PCDH9: variants seen among roughly 807,000 people sequenced by gnomAD.
PCDH9 encodes the protein protocadherin-9.
In PCDH9, 24 loss-of-function variants were observed where a neutral mutation model predicts 70.6. That is an observed-to-expected ratio of 0.34 (90% CI 0.25 to 0.48). PCDH9 has a LOEUF of 0.48. Ranked by LOEUF, PCDH9 falls within the 20% of genes least tolerant of loss-of-function variation. The probability of loss-of-function intolerance (pLI) is 0.99; values close to 1 mark genes in which losing one functional copy is unlikely to be tolerated. For synonymous variants in PCDH9, 562 were observed against 558.5 expected, an observed-to-expected ratio of 1.01 and a Z score of -0.09; for missense variants, 1,281 against 1,503.6, an observed-to-expected ratio of 0.85 and a Z score of 2.45.
At chr13:67,167,730 A>T (rs2088161310) in intron 2 of PCDH9, among the ~76,000 whole-genome samples, 1 of 152,196 alleles carries the variant, frequency 6.6e-6, no homozygotes, top group Non-Finnish European at 1.5e-5. Flanking sequence ...ACTCCATTTT[A>T]TCTAAATATT....
chr13:66,747,854 T>G (rs2079396146), intron 3 of PCDH9, among the ~76,000 whole-genome samples: 1 of 152,186 alleles, frequency 6.6e-6, no homozygotes, highest in Non-Finnish European at 1.5e-5. Context: ...AATAATTTAT[T>G]AATTGTGGTG....
At chr13:66,440,122 G>A (rs1008181848) in intron 4 of PCDH9, among the ~76,000 whole-genome samples, 2 of 152,154 alleles carry the variant, frequency 1.3e-5, no homozygotes. Flanking sequence ...AACGAAAGAT[G>A]AAAACTAATT....
At chr13:66,621,492 A>G (rs2077420816) in intron 4 of PCDH9, among the ~76,000 whole-genome samples, 1 of 152,194 alleles carries the variant, frequency 6.6e-6, no homozygotes, top group African/African-American at 2.4e-5. Context: ...GAAAAGGTAT[A>G]AGGTTCATGA....
intron 4 of PCDH9, among the ~76,000 whole-genome samples, chr13:66,623,732 C>A (rs1593795621): frequency 6.6e-6 from 1 of 152,296 alleles, no homozygotes; most frequent in East Asian, 1.9e-4. Context: ...AGCCACTGCA[C>A]CCGAGTCATA....
chr13:66,907,203 C>T lies in PCDH9; in HGVS notation c.3037-3598G>A, dbSNP rs1477526701. On this transcript the variant is annotated intron_variant, in intron 2 of 4. Transcript: ENST00000377865. ...TGGGCGACAGAACGAGATTCTGCCT[C>T]AAAAAGAAAAAAATAAAATAAAAAA... 2.0e-5 allele frequency among the ~76,000 whole-genome samples: 3 copies of T among 151,476 alleles called. No homozygotes were observed. The East Asian group carries it at 5.8e-4, about 29-fold the overall frequency.
chr13:66,507,253 G>A (rs1245553418), intron 4 of PCDH9, among the ~76,000 whole-genome samples: 1 of 152,056 alleles, frequency 6.6e-6, no homozygotes, highest in Non-Finnish European at 1.5e-5. Context: ...ATTCATTCAC[G>A]GGCTGCATTT....
intron 3 of PCDH9, among the ~76,000 whole-genome samples, chr13:66,713,779 C>T (rs2078831850): frequency 6.6e-6 from 1 of 151,606 alleles, no homozygotes; most frequent in Non-Finnish European, 1.5e-5. Context: ...ACTTTTATTC[C>T]TCTTCAGCTT....
chr13:66,767,391 C>T (rs1010438818), intron 3 of PCDH9, among the ~76,000 whole-genome samples: 2 of 152,114 alleles, frequency 1.3e-5, no homozygotes, highest in Non-Finnish European at 2.9e-5. Flanking sequence ...ATGTCGCATT[C>T]AAGAACAAAT....
intron 3 of PCDH9, among the ~76,000 whole-genome samples, chr13:66,893,505 A>G (rs1033306788): frequency 8.5e-5 from 13 of 152,198 alleles, no homozygotes; most frequent in African/African-American, 3.1e-4. Context: ...ATAAGAAGCC[A>G]TAGGAGATTT....
intron 3 of PCDH9, among the ~76,000 whole-genome samples, chr13:66,682,076 T>C (rs1390929889): frequency 5.3e-5 from 8 of 151,820 alleles, no homozygotes; most frequent in South Asian, 4.2e-4. Flanking sequence ...AAAATAGTTA[T>C]CTATTTATGA....
intron 4 of PCDH9, among the ~76,000 whole-genome samples, chr13:66,587,331 A>G (rs771708865): frequency 6.6e-6 from 1 of 151,886 alleles, no homozygotes; most frequent in Non-Finnish European, 1.5e-5. Flanking sequence ...CAAAAAGACT[A>G]TGGTATAAAT....
chr13:67,227,412 C>T lies in PCDH9; in HGVS notation c.1029G>A (p.Thr343=), dbSNP rs752405765. 8.1e-6 allele frequency: 13 copies of T among 1,613,660 alleles called. No homozygotes were observed. The highest frequency in any genetic ancestry group is 3.3e-4 in the Middle Eastern group (2 of 6,082). ...SDGSSTPARA[T]VTINVTDVND... ...TTACATCGGTGACATTGATGGTAACCGTTGCTCGAGCAGGAGTGGAGCTGC... is the reference window on the plus strand; with the variant it reads ...TTACATCGGTGACATTGATGGTAACTGTTGCTCGAGCAGGAGTGGAGCTGC... Residue 343 remains threonine (T), a synonymous_variant, in exon 2 of 5, where the codon ACG becomes ACA. Coordinates refer to ENST00000377865, the MANE Select transcript of PCDH9 (RefSeq NM_203487.3). This position sits in a 1 kb window ranked among gnomAD's most constrained non-coding sequence, Gnocchi z 4.6.
chr13:67,041,537 T>TGTACCTGTCTATGG (rs1298787851), intron 2 of PCDH9, among the ~76,000 whole-genome samples: 1 of 152,110 alleles, frequency 6.6e-6, no homozygotes, highest in African/African-American at 2.4e-5. Flanking sequence ...ACCCTAAGAC[T>TGTACCTGTCTATGG]GTACCTGTCT....
chr13:66,634,955 T>G (rs1484228816), intron 3 of PCDH9, among the ~76,000 whole-genome samples: 1 of 152,138 alleles, frequency 6.6e-6, no homozygotes, highest in African/African-American at 2.4e-5. Flanking sequence ...GAATACATGT[T>G]TTCTTCCTGG....
intron 4 of PCDH9, among the ~76,000 whole-genome samples, chr13:66,410,669 G>A (rs1957355227): frequency 6.6e-6 from 1 of 152,308 alleles, no homozygotes; most frequent in East Asian, 1.9e-4. Context: ...ATGCTATGAG[G>A]AAAGTGAGAA....
chr13:66,719,940 G>A (rs1341679250), intron 3 of PCDH9, among the ~76,000 whole-genome samples: 2 of 152,150 alleles, frequency 1.3e-5, no homozygotes, highest in Non-Finnish European at 2.9e-5. Flanking sequence ...AAAATCAAGC[G>A]TGGCAGTTCC....
chr13:67,108,442 G>A (rs936064763), intron 2 of PCDH9, among the ~76,000 whole-genome samples: 11 of 152,076 alleles, frequency 7.2e-5, no homozygotes, highest in African/African-American at 2.7e-4. Flanking sequence ...ACAGTTAATG[G>A]GAATGAGGCA....
At chr13:67,204,421 T>C (rs925271472) in intron 2 of PCDH9, 4 of 152,154 alleles carry the variant, frequency 2.6e-5, no homozygotes, top group African/African-American at 9.6e-5. Context: ...GAAAAATCAT[T>C]ACAGAATTTT....
At position 66,506,265 on chromosome 13, in the gene PCDH9, C is replaced by T. The variant is rs117011272; in HGVS notation, c.3340+124945G>A. Among the ~76,000 whole-genome samples, 1,254 of 152,254 alleles carry T rather than the reference C, an allele frequency of 8.2e-3. 13 individuals carry two copies. The highest frequency in any genetic ancestry group is 0.031 in the South Asian group (149 of 4,822). Reference sequence around the variant, plus strand: ...TGTCTTTTATGGGCCTCTAAGTTTACACATGCTTTGCTTATAGACAGAGTT... The same window carrying T: ...TGTCTTTTATGGGCCTCTAAGTTTATACATGCTTTGCTTATAGACAGAGTT... On this transcript the variant is annotated intron_variant, in intron 4 of 4. Coordinates refer to ENST00000377865, the MANE Select transcript of PCDH9 (RefSeq NM_203487.3).
Sources: allele counts gnomAD v4.1 joint callset (sites outside exome capture counted in the v4.1 genomes callset), GRCh38; gene constraint gnomAD v4.1.1; non-coding constraint Gnocchi (gnomAD v3.1); transcripts MANE v1.5; gene names NCBI Gene and HGNC (gene_info 2026-07-23, HGNC 2026-07-21).